Variants in SLC24A2 observed in about 807,000 individuals in gnomAD.
SLC24A2 encodes the protein sodium/potassium/calcium exchanger 2.
In SLC24A2, 36 loss-of-function variants were observed where a neutral mutation model predicts 62.0. That is an observed-to-expected ratio of 0.58 (90% confidence interval 0.44 to 0.77). SLC24A2 has a LOEUF of 0.77. Ranked by LOEUF, SLC24A2 falls within the 30% of genes least tolerant of loss-of-function variation. SLC24A2 has a pLI of 0.00. For missense variants in SLC24A2, 846 were observed against 817.9 expected (o/e 1.03, Z -0.42); for synonymous variants, 358 against 294.0 (o/e 1.22, Z -2.23).
chr9:19,690,910 T>C (rs1287281819), intron 2 of SLC24A2, among the ~76,000 whole-genome samples: 6 of 110,406 alleles, frequency 5.4e-5, no homozygotes, highest in Non-Finnish European at 1.1e-4. Flanking sequence ...GTATTGTGTG[T>C]GTGCGTGTGA....
At chr9:20,035,513 G>A in the SLC24A2 span, among the ~76,000 whole-genome samples, 1 of 152,120 alleles carries the variant, frequency 6.6e-6, no homozygotes, top group Admixed American at 6.5e-5. Context: ...CAGCATTTTG[G>A]GAGGCCAAGA....
the SLC24A2 span, among the ~76,000 whole-genome samples, chr9:19,823,360 G>T: frequency 6.6e-6 from 1 of 151,694 alleles, no homozygotes; most frequent in African/African-American, 2.4e-5. Flanking sequence ...AACCCTTTAA[G>T]AAAAAGTTAT....
At chr9:19,981,801 A>G in the SLC24A2 span, among the ~76,000 whole-genome samples, 1 of 152,280 alleles carries the variant, frequency 6.6e-6, no homozygotes, top group Non-Finnish European at 1.5e-5. Context: ...ATCCAACTGA[A>G]CAGAACATTT....
chr9:20,231,430 T>C, the SLC24A2 span, among the ~76,000 whole-genome samples: 2 of 152,234 alleles, frequency 1.3e-5, no homozygotes, highest in African/African-American at 4.8e-5. Context: ...TTTGTAGTTC[T>C]CCTTGAAGAG....
chr9:19,562,870 C>T (rs1835474727), intron 7 of SLC24A2, among the ~76,000 whole-genome samples: 1 of 152,138 alleles, frequency 6.6e-6, no homozygotes, highest in Admixed American at 6.5e-5. Context: ...TTTTGGAGCT[C>T]TGGGTAGAAG....
At chr9:20,091,055 T>A in the SLC24A2 span, among the ~76,000 whole-genome samples, 1 of 148,442 alleles carries the variant, frequency 6.7e-6, no homozygotes, top group South Asian at 2.1e-4. Flanking sequence ...AATTTCACAA[T>A]ACAATAGCAA....
chr9:20,132,811 T>A, the SLC24A2 span, among the ~76,000 whole-genome samples: 1 of 152,178 alleles, frequency 6.6e-6, no homozygotes. Context: ...TTTGTTATTC[T>A]GTTTTTAAAA....
At chr9:19,763,668 G>A (rs763300326) in intron 2 of SLC24A2, among the ~76,000 whole-genome samples, 1 of 152,196 alleles carries the variant, frequency 6.6e-6, no homozygotes, top group Non-Finnish European at 1.5e-5. Flanking sequence ...AAGCTGACTT[G>A]ATCATGGTGG....
At chr9:19,578,643 A>C (rs1268997237) in intron 5 of SLC24A2, among the ~76,000 whole-genome samples, 1 of 152,030 alleles carries the variant, frequency 6.6e-6, no homozygotes, top group Non-Finnish European at 1.5e-5. Flanking sequence ...CCAAACAAAT[A>C]TGTTTCTCCT....
chr9:20,285,874 G>T, the SLC24A2 span, among the ~76,000 whole-genome samples: 1 of 152,132 alleles, frequency 6.6e-6, no homozygotes, highest in African/African-American at 2.4e-5. Context: ...GACACAGCAA[G>T]CAAGTGGCCA....
At chr9:19,555,470 A>T (rs892021250) in intron 7 of SLC24A2, among the ~76,000 whole-genome samples, 2 of 152,246 alleles carry the variant, frequency 1.3e-5, no homozygotes, top group Admixed American at 1.3e-4. Flanking sequence ...TTGCGGTCTT[A>T]GTACTGTCAT....
chr9:19,806,706 C>T, the SLC24A2 span, among the ~76,000 whole-genome samples: 1 of 152,090 alleles, frequency 6.6e-6, no homozygotes, highest in Non-Finnish European at 1.5e-5. Context: ...CTGGTTTCTT[C>T]TAGTCATTTA....
chr9:19,810,032 G>C, the SLC24A2 span, among the ~76,000 whole-genome samples: 1 of 152,098 alleles, frequency 6.6e-6, no homozygotes, highest in African/African-American at 2.4e-5. Context: ...ATTTCAGTTT[G>C]GGAAACTCCG....
intron 7 of SLC24A2, among the ~76,000 whole-genome samples, chr9:19,570,036 T>C (rs747288023): frequency 6.6e-6 from 1 of 152,264 alleles, no homozygotes; most frequent in Non-Finnish European, 1.5e-5. Flanking sequence ...TTTGGGGCCA[T>C]GTATAATCAT....
the SLC24A2 span, among the ~76,000 whole-genome samples, chr9:20,298,127 G>T: frequency 6.6e-6 from 1 of 152,222 alleles, no homozygotes; most frequent in African/African-American, 2.4e-5. Context: ...CTCAGACAGT[G>T]CCAGGCACAG....
chr9:20,007,065 T>A, the SLC24A2 span, among the ~76,000 whole-genome samples: 2 of 152,276 alleles, frequency 1.3e-5, no homozygotes, highest in African/African-American at 4.8e-5. Context: ...TCCCAACTCT[T>A]AATTAGCTGA....
the SLC24A2 span, among the ~76,000 whole-genome samples, chr9:20,225,476 A>T: frequency 7.0e-6 from 1 of 143,484 alleles, no homozygotes; most frequent in Non-Finnish European, 1.5e-5. Context: ...AATTTTTCTA[A>T]GAAATGTGAA....
At chr9:19,652,080 A>G (rs997961843) in intron 2 of SLC24A2, among the ~76,000 whole-genome samples, 1 of 152,188 alleles carries the variant, frequency 6.6e-6, no homozygotes, top group African/African-American at 2.4e-5. Flanking sequence ...AGGAATTTCA[A>G]ATCTTTTTGA....
At chr9:19,898,533 G>C in the SLC24A2 span, among the ~76,000 whole-genome samples, 10 of 152,110 alleles carry the variant, frequency 6.6e-5, no homozygotes, top group Non-Finnish European at 1.5e-4. Context: ...ACGAGGTCAG[G>C]AGATTGAGAC....
Sources: gnomAD v4.1 joint callset for allele counts (sites outside exome capture counted in the v4.1 genomes callset) on GRCh38, gnomAD v4.1.1 for gene constraint, MANE v1.5 for transcripts, NCBI Gene and HGNC (gene_info 2026-07-23, HGNC 2026-07-21) for gene names.